The following CD8B2 variants were observed in gnomAD, a reference collection of about 807,000 sequenced individuals.
CD8B2 encodes CD8B family member 2.
Under a neutral mutation model 23.7 loss-of-function variants are expected in CD8B2, and 11 were observed. The ratio of observed to expected loss-of-function variants is 0.46; its 90% CI spans 0.29 to 0.77. The LOEUF (loss-of-function observed/expected upper bound fraction) is 0.77, where lower values mean the gene tolerates loss of function less well. Among genes scored for constraint, CD8B2 ranks in the 30% least tolerant of loss-of-function variants. The probability of loss-of-function intolerance (pLI) is 0.09; values close to 1 mark genes in which losing one functional copy is unlikely to be tolerated. For synonymous variants in CD8B2, 90 were observed against 109.3 expected (o/e 0.82, Z 1.10); for missense variants, 197 against 270.5 (o/e 0.73, Z 1.91).
intron 5 of CD8B2, among the ~76,000 whole-genome samples, chr2:106,506,086 G>C (rs1174294770): frequency 6.6e-6 from 1 of 151,716 alleles, no homozygotes. Context: ...AATGAGCAGA[G>C]ATCACACCAT....
chr2:106,526,526 T>C (rs1000438075), intron 5 of CD8B2, among the ~76,000 whole-genome samples: 1 of 152,242 alleles, frequency 6.6e-6, no homozygotes. Context: ...TATGTGGACT[T>C]CAGTGACTGG....
At chr2:106,501,949 G>A (rs1679416558) in intron 3 of CD8B2, among the ~76,000 whole-genome samples, 1 of 152,022 alleles carries the variant, frequency 6.6e-6, no homozygotes, top group South Asian at 2.1e-4. Flanking sequence ...TTTGAATGTG[G>A]GACATGAAAT....
At chr2:106,526,348 T>C (rs1679906577) in intron 5 of CD8B2, among the ~76,000 whole-genome samples, 1 of 152,180 alleles carries the variant, frequency 6.6e-6, no homozygotes, top group Non-Finnish European at 1.5e-5. Context: ...ATCACAGAAT[T>C]AACCTTTCAA....
In CD8B2 at chr2:106,508,040, GAAGGAAAAAGC is replaced by G. The variant is rs995411223; in HGVS notation, c.*1106_*1116del. 5 of 149,638 alleles carry G rather than the reference GAAGGAAAAAGC, an allele frequency of 3.3e-5. No homozygotes were observed. The highest frequency in any genetic ancestry group is 1.2e-4 in the African/African-American group (5 of 40,482). 9.3% of individuals were successfully genotyped at this position (149,638 alleles called of 1,614,324 possible). On this transcript the variant is annotated 3_prime_UTR_variant, in exon 6 of 6. Coordinates refer to ENST00000643224, the MANE Select transcript of CD8B2 (RefSeq NM_001349727.2). ...TTGATTCTTAGCCTTGACAGTTGGA[GAAGGAAAAAGC>G]AAGGAGAAAGTGCTGAGCAGGAGTG...
At chr2:106,541,127 T>C (rs2104578274) in intron 5 of CD8B2, among the ~76,000 whole-genome samples, 1 of 152,218 alleles carries the variant, frequency 6.6e-6, no homozygotes, top group East Asian at 1.9e-4. Context: ...AGGTGTGGTT[T>C]GAGGTAGGCC....
chr2:106,509,950 A>C lies in CD8B2; in HGVS notation c.*3010A>C, dbSNP rs1226571294. On this transcript the variant is annotated 3_prime_UTR_variant, in exon 6 of 6. Transcript: ENST00000643224. ...GGGAAATAATCCAAATGTCCATCAA[A>C]AGGGACTGGTCAGATAAATTCAGAC... is the stretch of plus-strand genomic sequence containing the variant. The C allele has an allele frequency of 6.6e-6, 1 of 152,196 alleles. No individual in the cohort carries two copies. Among genetic ancestry groups the C allele is most frequent in the African/African-American group, 2.4e-5 (1 of 41,436 alleles). The allele number at this position is 152,196 out of a possible 1,614,324, so 9.4% of individuals were successfully genotyped here.
intron 4 of CD8B2, 91 bp downstream of exon 4, chr2:106,502,654 T>G: frequency 3.0e-6 from 2 of 659,184 alleles, no homozygotes; most frequent in Non-Finnish European, 5.0e-6. Context: ...GCAGAGCAGA[T>G]GGCAGCCTGG....
chr2:106,491,167 A>T lies in CD8B2; in HGVS notation c.337A>T (p.Ile113Phe). 1 of 1,613,922 alleles carries T rather than the reference A, an allele frequency of 6.2e-7. No individual in the cohort carries two copies. Among genetic ancestry groups the T allele is most frequent in the Non-Finnish European group, 8.5e-7 (1 of 1,179,804 alleles). ...AAGCGTGAAGCCGGAGGACAGTGGC[A>T]TCTACTTCTGCATGATCGTCGGGAG... ...LTSVKPEDSG[I>F]YFCMIVGSPE... is the part of the protein sequence containing the mutation. Residue 113 changes from isoleucine (I) to phenylalanine (F), a missense_variant, in exon 2 of 6, where the codon ATC (isoleucine) becomes TTC (phenylalanine). Physicochemically the swap from Ile to Phe is conservative, Grantham distance 21. Around this residue, in one of 3 missense-constraint regions of CD8B2, gnomAD observed 140 missense variants for 164.2 expected, o/e 0.85. Transcript: ENST00000643224.
chr2:106,509,320 G>A lies in CD8B2; in HGVS notation c.*2380G>A, dbSNP rs1679575377. On this transcript the variant is annotated 3_prime_UTR_variant, in exon 6 of 6. Coordinates refer to ENST00000643224, the MANE Select transcript of CD8B2 (RefSeq NM_001349727.2). ...GGGAGGGGTGAAAGAATTGGGGTCAGCTGGACCAGACTCCTCTAGGGTTCG... is the reference window on the plus strand; with the variant it reads ...GGGAGGGGTGAAAGAATTGGGGTCAACTGGACCAGACTCCTCTAGGGTTCG... 1 of 152,108 alleles carries A rather than the reference G, an allele frequency of 6.6e-6. No individual in the cohort carries two copies. Among genetic ancestry groups the A allele is most frequent in the African/African-American group, 2.4e-5 (1 of 41,426 alleles). The allele number at this position is 152,108 out of a possible 1,614,324, so 9.4% of individuals were successfully genotyped here.
intron 5 of CD8B2, among the ~76,000 whole-genome samples, chr2:106,527,400 A>AT (rs1391874873): frequency 1.3e-5 from 2 of 152,160 alleles, no homozygotes; most frequent in Middle Eastern, 3.4e-3. Flanking sequence ...TTCCAGATTG[A>AT]TTTTTTCTGA....
downstream of CD8B2, among the ~76,000 whole-genome samples, chr2:106,514,539 G>T (rs372667219): frequency 1.3e-5 from 2 of 151,544 alleles, no homozygotes; most frequent in Non-Finnish European, 2.9e-5. Flanking sequence ...CTCCTGCCTC[G>T]GCCTCCCAAA....
downstream of CD8B2, among the ~76,000 whole-genome samples, chr2:106,514,334 C>T (rs1679691923): frequency 7.1e-6 from 1 of 141,198 alleles, no homozygotes; most frequent in Middle Eastern, 3.8e-3. Flanking sequence ...GTTGCCCAGG[C>T]TGGAGTGCAG....
chr2:106,515,077 T>C (rs985314777), downstream of CD8B2, among the ~76,000 whole-genome samples: 4 of 152,226 alleles, frequency 2.6e-5, no homozygotes, highest in Admixed American at 2.6e-4. Context: ...GTTAATCTCC[T>C]TTCGCAACAC....
At chr2:106,514,031 C>T (rs570520679), downstream of CD8B2, among the ~76,000 whole-genome samples, 1 of 150,930 alleles carries the variant, frequency 6.6e-6, no homozygotes, top group South Asian at 2.1e-4. Flanking sequence ...GTTGGGTGGT[C>T]TATCTTGTGG....
rs561239667 is a variant in CD8B2 at position 106,495,544 on chromosome 2, A to G, written c.404-629A>G. 4.6e-5 allele frequency among the ~76,000 whole-genome samples: 7 copies of G among 152,306 alleles called. No individual in the cohort carries two copies. The East Asian group carries it at 1.4e-3, about 29-fold the overall frequency. ...ACAGAGCGAGACTTTGTCTCAAAAA[A>G]TAAATAAATAAAAAAATAAAAATAA... On this transcript the variant is annotated intron_variant, in intron 2 of 5. Transcript: ENST00000643224.
At chr2:106,539,150 G>A (rs1394006908) in intron 5 of CD8B2, among the ~76,000 whole-genome samples, 2 of 152,184 alleles carry the variant, frequency 1.3e-5, no homozygotes, top group Admixed American at 1.3e-4. Context: ...GTTGATGAGT[G>A]AGGCACATGA....
intron 5 of CD8B2, among the ~76,000 whole-genome samples, chr2:106,534,616 T>A (rs968425155): frequency 3.3e-5 from 5 of 152,020 alleles, no homozygotes; most frequent in Admixed American, 6.6e-5. Flanking sequence ...GAACGCCGGG[T>A]TCCCAGGGAC....
At chr2:106,536,104 A>G (rs1226562053) in intron 5 of CD8B2, among the ~76,000 whole-genome samples, 1 of 145,980 alleles carries the variant, frequency 6.9e-6, no homozygotes, top group African/African-American at 2.6e-5. Context: ...GTGCAATCTC[A>G]GCTCATCACA....
chr2:106,518,606 G>A (rs1167324941), intron 5 of CD8B2, among the ~76,000 whole-genome samples: 1 of 152,202 alleles, frequency 6.6e-6, no homozygotes, highest in East Asian at 1.9e-4. Context: ...AAAATGAGAA[G>A]TTAAAATTAA....
Sources: allele counts gnomAD v4.1 joint callset (sites outside exome capture counted in the v4.1 genomes callset), GRCh38; gene constraint gnomAD v4.1.1; regional missense constraint gnomAD v4.1.1; transcripts MANE v1.5; gene names NCBI Gene and HGNC (gene_info 2026-07-23, HGNC 2026-07-21).